Variants in ZNF385D observed in about 807,000 individuals in gnomAD.
ZNF385D encodes the protein zinc finger protein 659.
ZNF385D carries 15 observed loss-of-function variants against 35.8 expected under a neutral mutation model. The ratio of observed to expected loss-of-function variants is 0.42; its 90% CI spans 0.28 to 0.64. The LOEUF (loss-of-function observed/expected upper bound fraction) is 0.64. Among genes scored for constraint, ZNF385D ranks in the 30% least tolerant of loss-of-function variants. The pLI, the probability that ZNF385D is intolerant of heterozygous loss-of-function variation, is 0.23. For missense variants in ZNF385D, 474 were observed against 494.6 expected (o/e 0.96, Z 0.39); for synonymous variants, 212 against 186.8 (o/e 1.13, Z -1.10).
intron 3 of ZNF385D, among the ~76,000 whole-genome samples, chr3:21,808,980 A>G (rs1426592281): frequency 5.9e-5 from 9 of 152,222 alleles, no homozygotes; most frequent in African/African-American, 2.2e-4. Flanking sequence ...CATTCTAAAC[A>G]TCAATGGGTT....
intron 3 of ZNF385D, among the ~76,000 whole-genome samples, chr3:21,910,243 C>T (rs546662187): frequency 6.6e-6 from 1 of 151,956 alleles, no homozygotes; most frequent in South Asian, 2.1e-4. Flanking sequence ...GAAATGATAC[C>T]ATTTGCCAGG....
At chr3:21,585,300 ATCT>A (rs768819840) in intron 2 of ZNF385D, among the ~76,000 whole-genome samples, 2 of 152,124 alleles carry the variant, frequency 1.3e-5, no homozygotes, top group African/African-American at 4.8e-5. Context: ...TTCCTCTGAA[ATCT>A]TCTGGGAACT....
rs563668736 is a variant in ZNF385D, at chr3:22,157,054, G to C, written c.325+11763C>G. ...GAAGCTCTCTCCTCCTTTGGCTTCT[G>C]AATCAAGGAGCAATCCAAGGTAGCC... On this transcript the variant is annotated intron_variant, in intron 3 of 5. Transcript: ENST00000494108. Among the ~76,000 whole-genome samples the C allele has an allele frequency of 2.1e-4, 32 of 152,166 alleles. No homozygotes were observed. The South Asian group carries it at 6.2e-3, about 30-fold the overall frequency.
chr3:21,651,400 A>G (rs367968147), intron 2 of ZNF385D, among the ~76,000 whole-genome samples: 1 of 151,808 alleles, frequency 6.6e-6, no homozygotes, highest in African/African-American at 2.4e-5. Context: ...ATTTTCATTC[A>G]GCTAAAATGG....
chr3:22,136,728 A>G (rs1371276738), intron 3 of ZNF385D, among the ~76,000 whole-genome samples: 1 of 152,218 alleles, frequency 6.6e-6, no homozygotes, highest in African/African-American at 2.4e-5. Context: ...ATTGTGGTAC[A>G]TTCAAAAAAT....
At chr3:21,756,273 C>T (rs557729600) in intron 3 of ZNF385D, among the ~76,000 whole-genome samples, 1 of 152,026 alleles carries the variant, frequency 6.6e-6, no homozygotes, top group Non-Finnish European at 1.5e-5. Flanking sequence ...ACAGAATTCT[C>T]TGGTAGGTTA....
At chr3:21,558,876 G>A (rs928952883) in intron 3 of ZNF385D, among the ~76,000 whole-genome samples, 3 of 151,830 alleles carry the variant, frequency 2.0e-5, no homozygotes, top group Admixed American at 6.6e-5. Flanking sequence ...ATTTAGGATC[G>A]TTAGCTCTTC....
chr3:22,114,141 A>T (rs113448222), intron 3 of ZNF385D, among the ~76,000 whole-genome samples: 3,468 of 152,184 alleles, frequency 0.023, 137 homozygotes, highest in African/African-American at 0.078. Flanking sequence ...GAAAACACAA[A>T]ACTTCATCTA....
intron 3 of ZNF385D, among the ~76,000 whole-genome samples, chr3:21,833,306 T>A (rs1288564271): frequency 2.0e-5 from 3 of 152,198 alleles, no homozygotes; most frequent in South Asian, 4.1e-4. Context: ...GCAAAAGTAT[T>A]AATATTACCT....
At chr3:21,987,317 T>G (rs1276473613) in intron 3 of ZNF385D, among the ~76,000 whole-genome samples, 2 of 131,548 alleles carry the variant, frequency 1.5e-5, no homozygotes, top group Non-Finnish European at 3.1e-5. Context: ...CGGTTGTTCC[T>G]TTCCATGTTT....
chr3:21,882,424 A>AGT (rs377470056), intron 3 of ZNF385D, among the ~76,000 whole-genome samples: 86,858 of 151,474 alleles, frequency 0.57, 25,075 homozygotes, highest in South Asian at 0.71. Flanking sequence ...TGAGATATAA[A>AGT]ACATTGTTGT....
At chr3:22,043,076 C>T (rs534695803) in intron 3 of ZNF385D, among the ~76,000 whole-genome samples, 1 of 149,702 alleles carries the variant, frequency 6.7e-6, no homozygotes. Flanking sequence ...CACGATCATT[C>T]CTTGACATTT....
At chr3:21,764,952 T>A (rs1054622195) in intron 3 of ZNF385D, among the ~76,000 whole-genome samples, 8 of 152,150 alleles carry the variant, frequency 5.3e-5, no homozygotes, top group African/African-American at 1.9e-4. Flanking sequence ...ATGGATGCCC[T>A]TGCTTTTAAA....
chr3:21,675,402 T>C (rs563731445), intron 1 of ZNF385D, among the ~76,000 whole-genome samples: 85 of 152,194 alleles, frequency 5.6e-4, no homozygotes, highest in African/African-American at 1.7e-3. Context: ...CTCTGTAGGA[T>C]AGCTCCTTTG....
At chr3:22,169,505 G>A (rs1480885404) in intron 2 of ZNF385D, among the ~76,000 whole-genome samples, 1 of 152,116 alleles carries the variant, frequency 6.6e-6, no homozygotes, top group Non-Finnish European at 1.5e-5. Flanking sequence ...ACTAAATAAA[G>A]TTCTTATATT....
chr3:21,662,920 C>T (rs373565129), intron 2 of ZNF385D, among the ~76,000 whole-genome samples: 20 of 152,300 alleles, frequency 1.3e-4, no homozygotes, highest in Admixed American at 4.6e-4. Context: ...CCATTCTAAA[C>T]GATTAACCCA....
At chr3:21,985,093 A>T in intron 3 of ZNF385D, among the ~76,000 whole-genome samples, 1 of 135,164 alleles carries the variant, frequency 7.4e-6, no homozygotes, top group Non-Finnish European at 1.6e-5. Flanking sequence ...TTCTAGATAA[A>T]CAATCATGTC....
chr3:22,115,588 A>G (rs1314040043), intron 3 of ZNF385D, among the ~76,000 whole-genome samples: 1 of 152,120 alleles, frequency 6.6e-6, no homozygotes, highest in African/African-American at 2.4e-5. Context: ...ATAATTGATT[A>G]TATGTTGTCA....
Position 21,769,988 on chromosome 3 carries a change from C to A in ZNF385D, c.326-104960G>T, listed in dbSNP as rs537167382. Among the ~76,000 whole-genome samples, 27 of 152,122 alleles carry A rather than the reference C, an allele frequency of 1.8e-4. 1 individual carries two copies. The highest frequency in any genetic ancestry group is 1.0e-3 in the South Asian group (5 of 4,818). ...ACTGACAAAAACAAGCAATGGGGAACGGATTCCCTATTTTACAAATGGTGC... is the reference window on the plus strand; with the variant it reads ...ACTGACAAAAACAAGCAATGGGGAAAGGATTCCCTATTTTACAAATGGTGC... On this transcript the variant is annotated intron_variant, in intron 3 of 5. Transcript: ENST00000494108.
Sources: gnomAD v4.1 joint callset for allele counts (sites outside exome capture counted in the v4.1 genomes callset) on GRCh38, gnomAD v4.1.1 for gene constraint, MANE v1.5 for transcripts, NCBI Gene and HGNC (gene_info 2026-07-23, HGNC 2026-07-21) for gene names.